The following SCGN variants were observed in gnomAD, a reference collection of about 807,000 sequenced individuals.
The protein encoded by SCGN is secretagogin.
A neutral mutation model predicts 39.7 loss-of-function variants in SCGN; 30 were observed. The observed-to-expected ratio is 0.76, with a 90% confidence interval of 0.57 to 1.03. The LOEUF is 1.03. Among genes scored for constraint, SCGN ranks in the 50% least tolerant of loss-of-function variants. The pLI is 0.00. For synonymous variants in SCGN, 106 were observed against 114.1 expected, an observed-to-expected ratio of 0.93 and a Z score of 0.45; for missense variants, 353 against 349.4, an observed-to-expected ratio of 1.01 and a Z score of -0.08.
chr6:25,659,483 C>A (rs888087657), intron 2 of SCGN, among the ~76,000 whole-genome samples: 1 of 152,158 alleles, frequency 6.6e-6, no homozygotes, highest in Non-Finnish European at 1.5e-5. Flanking sequence ...CCTGTTTTCT[C>A]CATCAGTAAA....
intron 6 of SCGN, among the ~76,000 whole-genome samples, chr6:25,676,547 T>G (rs1042742920): frequency 2.0e-5 from 3 of 152,250 alleles, no homozygotes; most frequent in Admixed American, 6.5e-5. Context: ...AATCTATTTT[T>G]AACCCTGGTA....
chr6:25,686,669 T>C (rs1420792682), intron 7 of SCGN, among the ~76,000 whole-genome samples: 2 of 152,300 alleles, frequency 1.3e-5, no homozygotes. Context: ...TTCTTGATGA[T>C]GTCCTTTGAA....
intron 2 of SCGN, among the ~76,000 whole-genome samples, chr6:25,654,256 C>A (rs965929076): frequency 6.6e-6 from 1 of 152,140 alleles, no homozygotes; most frequent in Non-Finnish European, 1.5e-5. Context: ...GCATCACATT[C>A]TCATGTGAGA....
intron 2 of SCGN, among the ~76,000 whole-genome samples, chr6:25,653,742 G>A (rs1273073217): frequency 6.6e-6 from 1 of 152,168 alleles, no homozygotes; most frequent in Non-Finnish European, 1.5e-5. Flanking sequence ...CCTTGGTTAT[G>A]TCTCTGCTAA....
chr6:25,690,457 A>C (rs1428739376), intron 9 of SCGN, among the ~76,000 whole-genome samples: 1 of 152,248 alleles, frequency 6.6e-6, no homozygotes, highest in African/African-American at 2.4e-5. Context: ...TTAAGAAATC[A>C]CAAAGAGAGT....
intron 4 of SCGN, 130 bp downstream of exon 4, chr6:25,665,162 G>A: frequency 4.6e-6 from 3 of 647,824 alleles, no homozygotes; most frequent in Admixed American, 3.0e-5. Context: ...ATAAGACCAA[G>A]CAAAAAATGC....
At chr6:25,673,525 C>T (rs1311330255) in intron 6 of SCGN, among the ~76,000 whole-genome samples, 2 of 152,148 alleles carry the variant, frequency 1.3e-5, no homozygotes, top group African/African-American at 2.4e-5. Context: ...TATTTTTAGC[C>T]TAGATTCGTA....
chr6:25,668,972 G>A (rs544248014), intron 4 of SCGN, among the ~76,000 whole-genome samples: 2 of 152,070 alleles, frequency 1.3e-5, no homozygotes, highest in Admixed American at 6.5e-5. Flanking sequence ...TTAGCCAGGC[G>A]TGGTGGTGGG....
chr6:25,682,096 A>C, intron 7 of SCGN, 90 bp downstream of exon 7: 1 of 948,356 alleles, frequency 1.1e-6, no homozygotes, highest in Non-Finnish European at 1.7e-6. Flanking sequence ...ACTGGAGATC[A>C]AGCCTCACCT....
intron 7 of SCGN, 94 bp downstream of exon 7, chr6:25,682,100 C>A (rs946821778): frequency 5.4e-6 from 5 of 924,764 alleles, no homozygotes; most frequent in Non-Finnish European, 8.8e-6. Flanking sequence ...GAGATCAAGC[C>A]TCACCTGGAG....
At chr6:25,685,121 G>A (rs534046270) in intron 7 of SCGN, among the ~76,000 whole-genome samples, 1 of 152,216 alleles carries the variant, frequency 6.6e-6, no homozygotes, top group Non-Finnish European at 1.5e-5. Flanking sequence ...GCAAGGGAAA[G>A]GATTCTCCCC....
intron 2 of SCGN, among the ~76,000 whole-genome samples, chr6:25,654,467 C>T (rs1020844074): frequency 3.9e-5 from 6 of 152,198 alleles, no homozygotes; most frequent in Admixed American, 6.5e-5. Context: ...TGTCATTTTT[C>T]TGCTCACTTC....
intron 2 of SCGN, among the ~76,000 whole-genome samples, chr6:25,658,320 T>C (rs1760264992): frequency 6.6e-6 from 1 of 151,988 alleles, no homozygotes. Flanking sequence ...ATTACAGGCA[T>C]GAGACACCAT....
intron 7 of SCGN, among the ~76,000 whole-genome samples, chr6:25,685,037 G>T (rs1759686519): frequency 6.6e-6 from 1 of 152,152 alleles, no homozygotes; most frequent in Admixed American, 6.5e-5. Flanking sequence ...GGAGAGATTT[G>T]AAAATGCTAG....
intron 3 of SCGN, among the ~76,000 whole-genome samples, chr6:25,662,229 A>G (rs1760350173): frequency 6.6e-6 from 1 of 152,206 alleles, no homozygotes; most frequent in Non-Finnish European, 1.5e-5. Flanking sequence ...AGTTACAAAA[A>G]TGTTTACAGT....
At chr6:25,681,568 T>TA (rs1438788553) in intron 6 of SCGN, among the ~76,000 whole-genome samples, 2 of 152,228 alleles carry the variant, frequency 1.3e-5, no homozygotes, top group East Asian at 3.8e-4. Context: ...CTTTGGACAA[T>TA]AAAATTTTAA....
At chr6:25,672,598 G>C (rs1029750512) in intron 6 of SCGN, among the ~76,000 whole-genome samples, 5 of 152,206 alleles carry the variant, frequency 3.3e-5, no homozygotes, top group African/African-American at 1.2e-4. Flanking sequence ...AAACCAGCAT[G>C]GCTGGAGCAG....
chr6:25,671,432 G>A (rs747311511), intron 6 of SCGN, among the ~76,000 whole-genome samples: 6 of 152,202 alleles, frequency 3.9e-5, no homozygotes, highest in Admixed American at 1.3e-4. Context: ...CCCCAGTCAA[G>A]TGAGTCTCCG....
Position 25,689,520 on chromosome 6 carries a change from C to T in SCGN, c.621C>T (p.Ala207=), listed in dbSNP as rs1172914105. The change falls in exon 9 of 11, where the codon GCC becomes GCT. Residue 207 remains alanine, a synonymous_variant. Coordinates refer to ENST00000377961, the MANE Select transcript of SCGN (RefSeq NM_006998.4). ...ERKRDFEKIF[A]YYDVSKTGAL... ...AAAGGGACTTTGAGAAAATCTTTGC[C>T]TACTATGATGTTGTAAGTGTGCGTC... is the stretch of plus-strand genomic sequence containing the variant. The T allele has an allele frequency of 1.9e-6, 3 of 1,613,776 alleles. No individual in the cohort carries two copies. The highest frequency in any genetic ancestry group is 2.5e-6 in the Non-Finnish European group (3 of 1,179,726).
Sources: allele counts gnomAD v4.1 joint callset (sites outside exome capture counted in the v4.1 genomes callset), GRCh38; gene constraint gnomAD v4.1.1; transcripts MANE v1.5; gene names NCBI Gene and HGNC (gene_info 2026-07-23, HGNC 2026-07-21).